Variants in PCDHAC1 observed in about 807,000 individuals in gnomAD.
The protein encoded by PCDHAC1 is protocadherin alpha-C1.
Under a neutral mutation model 60.0 loss-of-function variants are expected in PCDHAC1, and 42 were observed. The ratio of observed to expected loss-of-function variants is 0.70; its 90% CI spans 0.55 to 0.90. PCDHAC1 has a LOEUF of 0.90. PCDHAC1 is among the 40% of genes least tolerant of loss of function. PCDHAC1 has a pLI of 0.00. For missense variants in PCDHAC1, 1,160 were observed against 1,222.3 expected (o/e 0.95, Z 0.76); for synonymous variants, 468 against 499.3 (o/e 0.94, Z 0.84).
In PCDHAC1 at chr5:140,927,412, G is replaced by A; in HGVS notation, c.520G>A (p.Gly174Arg). Reference sequence around the variant, plus strand: ...CAGTCAGCACTTTCGCCTGGACATGGGATCGCGGGTTGACGGCAGCGAATA... The same window carrying A: ...CAGTCAGCACTTTCGCCTGGACATGAGATCGCGGGTTGACGGCAGCGAATA... ...SPSQHFRLDMGSRVDGSEYPE... is the reference protein window; with the variant it reads ...SPSQHFRLDMRSRVDGSEYPE... The change falls in exon 1 of 4, where the codon GGA (glycine) becomes AGA (arginine). Residue 174 changes from glycine to arginine, a missense_variant. Physicochemically the swap from Gly to Arg is moderately radical, Grantham distance 125. This residue lies in a region of PCDHAC1 where 1,113 missense variants were observed against 1,163.7 expected (regional missense o/e 0.96). Coordinates refer to ENST00000253807, the MANE Select transcript of PCDHAC1 (RefSeq NM_018898.5). 1 of 1,614,122 alleles carries A rather than the reference G, an allele frequency of 6.2e-7. No homozygotes were observed. Among genetic ancestry groups the A allele is most frequent in the African/African-American group, 1.3e-5 (1 of 75,054 alleles).
intron 3 of PCDHAC1, among the ~76,000 whole-genome samples, chr5:140,989,272 T>C (rs1554250681): frequency 6.6e-6 from 1 of 152,204 alleles, no homozygotes. Flanking sequence ...AAGTTTCTGC[T>C]GGGGACATCT....
At chr5:140,947,083 A>G (rs1268359945) in intron 1 of PCDHAC1, among the ~76,000 whole-genome samples, 2 of 151,728 alleles carry the variant, frequency 1.3e-5, no homozygotes, top group Non-Finnish European at 3.0e-5. Context: ...TTGAAACATC[A>G]GACTGTAGCC....
intron 3 of PCDHAC1, among the ~76,000 whole-genome samples, chr5:140,985,238 A>G (rs2097143387): frequency 1.3e-5 from 2 of 152,120 alleles, no homozygotes; most frequent in Non-Finnish European, 2.9e-5. Context: ...CGCCTGGCCT[A>G]ATCTTCTTAC....
chr5:140,965,168 T>C (rs1484687706), intron 1 of PCDHAC1, among the ~76,000 whole-genome samples: 1 of 152,180 alleles, frequency 6.6e-6, no homozygotes, highest in Non-Finnish European at 1.5e-5. Context: ...GACGTTTTAG[T>C]GAGTGCTTTT....
chr5:140,981,037 A>T (rs1427761331), intron 2 of PCDHAC1, among the ~76,000 whole-genome samples: 1 of 152,204 alleles, frequency 6.6e-6, no homozygotes, highest in Non-Finnish European at 1.5e-5. Context: ...TTTGGGGAAA[A>T]AAAACAGATA....
chr5:140,994,460 T>C (rs1260062613), intron 3 of PCDHAC1, among the ~76,000 whole-genome samples: 1 of 152,124 alleles, frequency 6.6e-6, no homozygotes, highest in African/African-American at 2.4e-5. Context: ...CCCAGCACTT[T>C]GGGAGGCTGA....
intron 2 of PCDHAC1, among the ~76,000 whole-genome samples, chr5:140,980,036 G>T (rs952735379): frequency 6.6e-6 from 1 of 152,176 alleles, no homozygotes; most frequent in African/African-American, 2.4e-5. Context: ...ATTACATTGG[G>T]TGCTATTTCT....
intron 1 of PCDHAC1, 52 bp downstream of exon 1, chr5:140,929,377 CTGT>C (rs782747382): frequency 6.6e-7 from 1 of 1,514,350 alleles, no homozygotes; most frequent in Non-Finnish European, 8.8e-7. Flanking sequence ...TGGCTGCTAG[CTGT>C]GTTTTGAAAT....
At chr5:140,940,139 C>G (rs984432706) in intron 1 of PCDHAC1, among the ~76,000 whole-genome samples, 16 of 152,010 alleles carry the variant, frequency 1.1e-4, no homozygotes, top group Admixed American at 1.0e-3. Context: ...TAGTGATAAA[C>G]TATTATAGTT....
intron 1 of PCDHAC1, among the ~76,000 whole-genome samples, chr5:140,939,679 T>A (rs2092435989): frequency 6.6e-6 from 1 of 152,196 alleles, no homozygotes; most frequent in South Asian, 2.1e-4. Context: ...TGTATGTATG[T>A]GTGTGTTGCT....
chr5:140,994,665 A>G (rs555985538), intron 3 of PCDHAC1, among the ~76,000 whole-genome samples: 1 of 152,294 alleles, frequency 6.6e-6, no homozygotes, highest in East Asian at 1.9e-4. Flanking sequence ...AGATCACACT[A>G]CTGCACTCCA....
At chr5:140,978,491 C>T (rs550205477) in intron 1 of PCDHAC1, among the ~76,000 whole-genome samples, 2 of 152,354 alleles carry the variant, frequency 1.3e-5, no homozygotes, top group African/African-American at 4.8e-5. Flanking sequence ...GCAAAGCCAG[C>T]AGCAGATTGC....
intron 2 of PCDHAC1, 38 bp from the exon 3 acceptor site, chr5:140,982,437 A>G: frequency 6.2e-7 from 1 of 1,613,390 alleles, no homozygotes; most frequent in East Asian, 2.2e-5. Flanking sequence ...GAAAGAATTT[A>G]TGATCTAACC....
chr5:140,949,111 T>C (rs1316111436), intron 1 of PCDHAC1, among the ~76,000 whole-genome samples: 1 of 151,772 alleles, frequency 6.6e-6, no homozygotes, highest in African/African-American at 2.4e-5. Context: ...AGTTTACAAA[T>C]ATTTTTGGTT....
At chr5:140,958,295 C>T (rs1405336220) in intron 1 of PCDHAC1, among the ~76,000 whole-genome samples, 1 of 151,884 alleles carries the variant, frequency 6.6e-6, no homozygotes, top group Admixed American at 6.6e-5. Context: ...TATTATTGAA[C>T]TTAATTAAAA....
chr5:140,940,468 C>A (rs2092618066), intron 1 of PCDHAC1, among the ~76,000 whole-genome samples: 1 of 151,866 alleles, frequency 6.6e-6, no homozygotes, highest in African/African-American at 2.4e-5. Flanking sequence ...CTGTTCCCTG[C>A]AATTTTTTTT....
intron 1 of PCDHAC1, among the ~76,000 whole-genome samples, chr5:140,952,443 C>T (rs1264311770): frequency 6.6e-6 from 1 of 152,128 alleles, no homozygotes; most frequent in East Asian, 1.9e-4. Flanking sequence ...AGGCATAATA[C>T]AGCCAGGCTC....
intron 1 of PCDHAC1, among the ~76,000 whole-genome samples, chr5:140,952,114 A>G (rs246038): frequency 0.56 from 85,531 of 151,814 alleles, 24,721 homozygotes; most frequent in African/African-American, 0.69. Flanking sequence ...CGTGTGAGGG[A>G]TGGGCTCCCA....
At chr5:140,962,625 A>C (rs2095697493) in intron 1 of PCDHAC1, among the ~76,000 whole-genome samples, 1 of 152,228 alleles carries the variant, frequency 6.6e-6, no homozygotes, top group Non-Finnish European at 1.5e-5. Context: ...GAGATGTGAA[A>C]AAATTTAGCC....
Sources: gnomAD v4.1 joint callset for allele counts (sites outside exome capture counted in the v4.1 genomes callset) on GRCh38, gnomAD v4.1.1 for gene constraint, gnomAD v4.1.1 regional missense constraint, MANE v1.5 for transcripts, NCBI Gene and HGNC (gene_info 2026-07-23, HGNC 2026-07-21) for gene names.